Variants in MYO10 observed in about 807,000 individuals in gnomAD.
The protein encoded by MYO10 is myosin X.
MYO10 carries 133 observed loss-of-function variants against 257.3 expected under a neutral mutation model. That is an observed-to-expected ratio of 0.52 (90% confidence interval 0.45 to 0.60). The LOEUF is 0.60. Among genes scored for constraint, MYO10 ranks in the 20% least tolerant of loss-of-function variants. The pLI is 0.00. For synonymous variants in MYO10, 1,104 were observed against 1,028.6 expected, an observed-to-expected ratio of 1.07 and a Z score of -1.40; for missense variants, 2,399 against 2,635.7, an observed-to-expected ratio of 0.91 and a Z score of 1.97.
At chr5:16,673,436 G>A (rs1376963079) in intron 36 of MYO10, among the ~76,000 whole-genome samples, 1 of 152,142 alleles carries the variant, frequency 6.6e-6, no homozygotes. Flanking sequence ...ACACTCAGCT[G>A]CTTCTCAGAT....
In MYO10 at chr5:16,836,415, T is replaced by G. The variant is rs558756419; in HGVS notation, c.121-18248A>C. 2.2e-4 allele frequency among the ~76,000 whole-genome samples: 33 copies of G among 152,324 alleles called. 1 individual carries two copies. In the East Asian group the frequency reaches 4.1e-3, roughly 19 times the overall value. ...TAACCCACCTCCAGTGGTTTGCATC[T>G]TCATCCATCAACTCCACCTCATTTT... On this transcript the variant is annotated intron_variant, in intron 2 of 40. Transcript: ENST00000513610.
At chr5:16,932,896 T>C (rs181599165) in intron 1 of MYO10, among the ~76,000 whole-genome samples, 35 of 152,300 alleles carry the variant, frequency 2.3e-4, no homozygotes, top group Non-Finnish European at 4.6e-4. Context: ...GCCTCCAGAA[T>C]GGCTGGAACT....
At chr5:16,792,587 GGGC>G (rs371051720) in intron 4 of MYO10, among the ~76,000 whole-genome samples, 4,401 of 40,010 alleles carry the variant, frequency 0.11, 167 homozygotes, top group African/African-American at 0.21. Flanking sequence ...CAGGAGCGGG[GGGC>G]GGGGGGCTGC....
chr5:16,704,804 A>G lies in MYO10; in HGVS notation c.2170-119T>C, dbSNP rs1579866851. 1.6e-5 allele frequency: 12 copies of G among 728,632 alleles called. No individual in the cohort carries two copies. The East Asian group carries it at 3.2e-4, about 20-fold the overall frequency. 45.1% of individuals were successfully genotyped at this position (728,632 alleles called of 1,614,324 possible). A position where few individuals can be genotyped will look rare whatever the true frequency, so the allele number is the denominator to read the frequency against. On this transcript the variant is annotated intron_variant, in intron 21 of 40. Coordinates refer to ENST00000513610, the MANE Select transcript of MYO10 (RefSeq NM_012334.3). ...TTTTTCTCTTAGTTTGATCCACCAC[A>G]TGGCCATGCTTTCTAGAATAGTGCT... is the stretch of plus-strand genomic sequence containing the variant.
rs758802597 is a variant in MYO10, at chr5:16,673,818, G to C, written c.5036C>G (p.Thr1679Ser). ...GGAAGGCACAAACTCTCGGCATTTG[G>C]TTTTCTTAAGAGATTCGTAAGTGAA... ...ALFTYESLKK[T>S]KCREFVPSRD... The change falls in exon 36 of 41, where the codon ACC becomes AGC. Residue 1679 changes from threonine to serine, a missense_variant. Coordinates refer to ENST00000513610, the MANE Select transcript of MYO10 (RefSeq NM_012334.3). 1 of 1,613,988 alleles carries C rather than the reference G, an allele frequency of 6.2e-7. No homozygotes were observed. Among genetic ancestry groups the C allele is most frequent in the Admixed American group, 1.7e-5 (1 of 60,020 alleles).
In MYO10 at chr5:16,797,642, G is replaced by T. The variant is rs535622085; in HGVS notation, c.280-2809C>A. On this transcript the variant is annotated intron_variant, in intron 3 of 40. Transcript: ENST00000513610. ...TGTAATATTACTTAGCCACAAAAAGGAATAAAGTGCTGATCCATGCTACAA... is the reference window on the plus strand; with the variant it reads ...TGTAATATTACTTAGCCACAAAAAGTAATAAAGTGCTGATCCATGCTACAA... Among the ~76,000 whole-genome samples, 3 of 152,290 alleles carry T rather than the reference G, an allele frequency of 2.0e-5. No individual in the cohort carries two copies. The South Asian group carries it at 6.2e-4, about 32-fold the overall frequency.
At chr5:16,844,556 T>A (rs1160713680) in intron 2 of MYO10, among the ~76,000 whole-genome samples, 1 of 152,196 alleles carries the variant, frequency 6.6e-6, no homozygotes, top group Non-Finnish European at 1.5e-5. Context: ...ACTGAATGGT[T>A]GCTTTTTGAA....
At chr5:16,774,742 A>G (rs945271363) in intron 9 of MYO10, among the ~76,000 whole-genome samples, 1 of 152,080 alleles carries the variant, frequency 6.6e-6, no homozygotes, top group Admixed American at 6.5e-5. Context: ...TTATCAAGTA[A>G]TATTATATTA....
At chr5:16,689,210 A>C (rs1737380735) in intron 28 of MYO10, among the ~76,000 whole-genome samples, 1 of 152,094 alleles carries the variant, frequency 6.6e-6, no homozygotes, top group Non-Finnish European at 1.5e-5. Flanking sequence ...CAAGAGAATC[A>C]AAAGAGTTAA....
At chr5:16,682,152 A>G in intron 30 of MYO10, 139 bp from the exon 31 acceptor site, 2 of 1,023,460 alleles carry the variant, frequency 2.0e-6, no homozygotes, top group African/African-American at 1.6e-5. Context: ...TGCTTTTATT[A>G]AGGCAAACGT....
Position 16,701,398 on chromosome 5 carries a change from G to A in MYO10, c.2997C>T (p.Ala999=), listed in dbSNP as rs762429892. The A allele has an allele frequency of 9.9e-6, 16 of 1,613,930 alleles. No individual in the cohort carries two copies. The highest frequency in any genetic ancestry group is 3.3e-5 in the South Asian group (3 of 91,074). The part of the protein sequence containing the change: ...PEEEVDEGFE[A]DDDAFKDSPN... ...GGGAGTCCTTGAAGGCGTCGTCGTC[G>A]GCTTCGAAGCCCTCATCGACCTCCT... The change falls in exon 25 of 41, where the codon GCC becomes GCT. Residue 999 remains alanine (A), a synonymous_variant. Coordinates refer to ENST00000513610, the MANE Select transcript of MYO10 (RefSeq NM_012334.3). The surrounding 1 kb of genome is among the most constrained non-coding windows in gnomAD (Gnocchi z 8.1).
intron 34 of MYO10, 134 bp from the exon 35 acceptor site, chr5:16,675,284 C>A: frequency 1.2e-6 from 1 of 847,278 alleles, no homozygotes; most frequent in Non-Finnish European, 1.8e-6. Flanking sequence ...CCCTATACAT[C>A]TCAATCAGTT....
intron 19 of MYO10, among the ~76,000 whole-genome samples, chr5:16,737,333 T>G (rs543233193): frequency 5.5e-4 from 84 of 152,228 alleles, no homozygotes; most frequent in Admixed American, 2.3e-3. Context: ...CCTTTCAGAG[T>G]GGCTGAAACT....
At chr5:16,773,786 T>G (rs1741131045) in intron 9 of MYO10, among the ~76,000 whole-genome samples, 1 of 150,812 alleles carries the variant, frequency 6.6e-6, no homozygotes, top group African/African-American at 2.4e-5. Context: ...AAAGGTTGTA[T>G]AAGAAGATAT....
intron 1 of MYO10, among the ~76,000 whole-genome samples, chr5:16,923,176 A>C (rs891432374): frequency 1.3e-5 from 2 of 152,226 alleles, no homozygotes; most frequent in African/African-American, 2.4e-5. Context: ...CATCATGAGA[A>C]GAACAAAACA....
At chr5:16,671,572 A>G in intron 37 of MYO10, 30 bp from the exon 38 acceptor site, 1 of 1,613,712 alleles carries the variant, frequency 6.2e-7, no homozygotes. Context: ...GAGGCTCAGA[A>G]TATGAACGAG....
At chr5:16,753,933 T>G (rs569639362) in intron 19 of MYO10, among the ~76,000 whole-genome samples, 55 of 152,334 alleles carry the variant, frequency 3.6e-4, no homozygotes, top group African/African-American at 1.3e-3. Context: ...CAGATCAGAT[T>G]TTTTACCTTA....
intron 4 of MYO10, 126 bp downstream of exon 4, chr5:16,794,520 C>T (rs1741871421): frequency 7.8e-6 from 7 of 894,658 alleles, no homozygotes; most frequent in Non-Finnish European, 9.4e-6. Context: ...ACAGAAAACT[C>T]TGTCGGAGAA....
rs138368939 is a variant in MYO10, at chr5:16,803,391, G to A, written c.280-8558C>T. On this transcript the variant is annotated intron_variant, in intron 3 of 40. Transcript: ENST00000513610. ...TGCATTGAACCAAGATTGTGCCACC[G>A]CACTCCAGCCTGACAGAGTGAGACC... Among the ~76,000 whole-genome samples, 653 of 152,120 alleles carry A rather than the reference G, an allele frequency of 4.3e-3. 5 individuals are homozygous for A. The highest frequency in any genetic ancestry group is 0.014 in the African/African-American group (579 of 41,482).
Sources: allele counts gnomAD v4.1 joint callset (sites outside exome capture counted in the v4.1 genomes callset), GRCh38; gene constraint gnomAD v4.1.1; non-coding constraint Gnocchi (gnomAD v3.1); transcripts MANE v1.5; gene names NCBI Gene and HGNC (gene_info 2026-07-23, HGNC 2026-07-21).